AK9: variants seen among roughly 807,000 people sequenced by gnomAD.
The protein encoded by AK9 is adenylate kinase 9.
AK9 carries 191 observed loss-of-function variants against 239.6 expected under a neutral mutation model. The ratio of observed to expected loss-of-function variants is 0.80; its 90% CI spans 0.71 to 0.90. The LOEUF (loss-of-function observed/expected upper bound fraction) is 0.90. Ranked by LOEUF, AK9 falls within the 40% of genes least tolerant of loss-of-function variation. AK9 has a pLI of 0.00. For synonymous variants in AK9, 689 were observed against 721.0 expected (o/e 0.96, Z 0.71); for missense variants, 1,995 against 2,214.7 (o/e 0.90, Z 1.99).
In AK9 at chr6:109,533,376, T is replaced by A; in HGVS notation, c.3445A>T (p.Ile1149Leu). ...AAAATATCTTGATCATCAACTTGTA[T>A]AAAAACAGCTGCATCTGGGAAAAAT... is the stretch of plus-strand genomic sequence containing the variant. Reference protein sequence around the residue: ...RGFFPDAAVFIQVDDQDIFDR... With the variant: ...RGFFPDAAVFLQVDDQDIFDR... The change falls in exon 28 of 41, where the codon ATA becomes TTA. Residue 1149 changes from isoleucine to leucine, a missense_variant. This residue lies in a region of AK9 where 1,290 missense variants were observed against 1,392.7 expected (regional missense o/e 0.93). Transcript: ENST00000424296. The A allele has an allele frequency of 1.2e-6, 2 of 1,611,260 alleles. No homozygotes were observed. The highest frequency in any genetic ancestry group is 1.7e-6 in the Non-Finnish European group (2 of 1,178,736).
intron 17 of AK9, among the ~76,000 whole-genome samples, chr6:109,599,644 G>A (rs1791619445): frequency 6.6e-6 from 1 of 152,008 alleles, no homozygotes; most frequent in Non-Finnish European, 1.5e-5. Flanking sequence ...GGATGGCATT[G>A]AATCTATAAA....
At chr6:109,689,838 AAC>A (rs1257672387) in intron 1 of AK9, among the ~76,000 whole-genome samples, 6 of 152,332 alleles carry the variant, frequency 3.9e-5, no homozygotes, top group Admixed American at 1.3e-4. Context: ...CCTAGATAAA[AAC>A]ACTGTGCAAA....
In AK9 at chr6:109,668,382, G is replaced by T. The variant is rs1012730736; in HGVS notation, c.331+3537C>A. ...CTCTGATGGTAGTTTCTTTTGCTGG[G>T]CAAAAGCTCTTTAGTTTAATTAGAT... On this transcript the variant is annotated intron_variant, in intron 5 of 40. Coordinates refer to ENST00000424296, the MANE Select transcript of AK9 (RefSeq NM_001145128.3). Among the ~76,000 whole-genome samples the T allele has an allele frequency of 3.3e-5, 5 of 151,888 alleles. No homozygotes were observed. The South Asian group carries it at 1.0e-3, about 32-fold the overall frequency.
intron 12 of AK9, among the ~76,000 whole-genome samples, chr6:109,627,951 C>G (rs1795730285): frequency 6.6e-6 from 1 of 152,164 alleles, no homozygotes; most frequent in African/African-American, 2.4e-5. Flanking sequence ...GCCTGAACTT[C>G]TATTTTATGC....
intron 17 of AK9, among the ~76,000 whole-genome samples, chr6:109,588,307 G>A (rs1390165831): frequency 1.3e-5 from 2 of 152,040 alleles, no homozygotes; most frequent in Non-Finnish European, 2.9e-5. Context: ...CTGACCTCGT[G>A]ATCCGCCCGT....
At chr6:109,605,915 C>T (rs1792803162) in intron 17 of AK9, among the ~76,000 whole-genome samples, 1 of 151,930 alleles carries the variant, frequency 6.6e-6, no homozygotes, top group Admixed American at 6.6e-5. Context: ...GAGTATGTGG[C>T]CAGGCAGAGG....
intron 8 of AK9, among the ~76,000 whole-genome samples, chr6:109,645,463 A>G (rs1029813199): frequency 3.9e-5 from 6 of 152,238 alleles, no homozygotes; most frequent in African/African-American, 1.4e-4. Context: ...CTGCTAGCAC[A>G]GCAGTCCAAG....
At chr6:109,539,485 A>C (rs555952854) in intron 27 of AK9, among the ~76,000 whole-genome samples, 1 of 152,254 alleles carries the variant, frequency 6.6e-6, no homozygotes, top group South Asian at 2.1e-4. Context: ...TACACTGGTT[A>C]TTCTAGTTAG....
chr6:109,664,632 C>T (rs1428155142), intron 5 of AK9, among the ~76,000 whole-genome samples: 2 of 150,364 alleles, frequency 1.3e-5, no homozygotes, highest in African/African-American at 4.9e-5. Flanking sequence ...ACCATGTTGG[C>T]CAGGATGGTC....
At chr6:109,614,105 A>G in intron 15 of AK9, 78 bp downstream of exon 15, 2 of 1,383,446 alleles carry the variant, frequency 1.4e-6, no homozygotes, top group South Asian at 1.3e-5. Context: ...AATTTTAAGC[A>G]TAAATATAAA....
At chr6:109,656,984 T>G in intron 7 of AK9, 100 bp from the exon 8 acceptor site, 1 of 1,405,752 alleles carries the variant, frequency 7.1e-7, no homozygotes, top group Non-Finnish European at 9.8e-7. Context: ...CATTTTGGGG[T>G]GAGAAGCAGG....
intron 17 of AK9, among the ~76,000 whole-genome samples, chr6:109,608,777 A>G (rs1262186884): frequency 1.3e-5 from 2 of 152,204 alleles, no homozygotes; most frequent in South Asian, 2.1e-4. Context: ...ATTTGTAAAG[A>G]TAATTGCAAA....
At chr6:109,656,944 C>T in intron 7 of AK9, 60 bp from the exon 8 acceptor site, 1 of 1,577,468 alleles carries the variant, frequency 6.3e-7, no homozygotes, top group Non-Finnish European at 8.7e-7. Context: ...AATTTACAAG[C>T]CATATTCCCC....
At chr6:109,565,826 G>A (rs1022520112) in intron 21 of AK9, among the ~76,000 whole-genome samples, 4 of 152,134 alleles carry the variant, frequency 2.6e-5, no homozygotes, top group African/African-American at 9.7e-5. Context: ...CTGCAACACG[G>A]TGGAAACTGT....
intron 35 of AK9, among the ~76,000 whole-genome samples, chr6:109,506,017 A>G (rs991411253): frequency 2.0e-5 from 3 of 152,146 alleles, no homozygotes; most frequent in Non-Finnish European, 4.4e-5. Context: ...AGCCTCTTCT[A>G]TAAGGGCACT....
At position 109,650,723 on chromosome 6, in the gene AK9, A is replaced by G. The variant is rs932835104; in HGVS notation, c.759+6033T>C. 1.1e-4 allele frequency among the ~76,000 whole-genome samples: 16 copies of G among 152,226 alleles called. 1 individual carries two copies. Among genetic ancestry groups the G allele is most frequent in the Non-Finnish European group, 1.5e-5 (1 of 68,042 alleles). On this transcript the variant is annotated intron_variant, in intron 8 of 40. Coordinates refer to ENST00000424296, the MANE Select transcript of AK9 (RefSeq NM_001145128.3). ...AAATACCATTTGACCCAGCCATCCC[A>G]TTACTGGGTATATACCGAAAGGATT... is the stretch of plus-strand genomic sequence containing the variant.
At chr6:109,551,582 T>A (rs1413929814) in intron 24 of AK9, among the ~76,000 whole-genome samples, 1 of 151,898 alleles carries the variant, frequency 6.6e-6, no homozygotes. Flanking sequence ...TCCTATGATG[T>A]TCAAAAAATA....
chr6:109,628,904 C>A (rs886537757), intron 12 of AK9, among the ~76,000 whole-genome samples: 6 of 100,886 alleles, frequency 5.9e-5, no homozygotes, highest in African/African-American at 1.7e-4. Context: ...CAGGCTACTG[C>A]GTTTCATTTA....
At chr6:109,677,124 A>C (rs1455617761) in intron 1 of AK9, among the ~76,000 whole-genome samples, 1 of 151,808 alleles carries the variant, frequency 6.6e-6, no homozygotes. Flanking sequence ...AGGATACAAA[A>C]AACTACCTAT....
Sources: allele counts gnomAD v4.1 joint callset (sites outside exome capture counted in the v4.1 genomes callset), GRCh38; gene constraint gnomAD v4.1.1; regional missense constraint gnomAD v4.1.1; transcripts MANE v1.5; gene names NCBI Gene and HGNC (gene_info 2026-07-23, HGNC 2026-07-21).